CTNNA2: variants seen among roughly 807,000 people sequenced by gnomAD.
The protein encoded by CTNNA2 is catenin alpha 2, also known as catenin alpha-2.
In CTNNA2, 42 loss-of-function variants were observed where a neutral mutation model predicts 101.0. That is an observed-to-expected ratio of 0.42 (90% CI 0.32 to 0.54). The LOEUF is 0.54. CTNNA2 is among the 20% of genes least tolerant of loss of function. CTNNA2 has a pLI of 0.14. For missense variants in CTNNA2, 871 were observed against 1,223.1 expected (o/e 0.71, Z 4.29); for synonymous variants, 450 against 456.4 (o/e 0.99, Z 0.18).
At chr2:80,215,087 TG>T (rs1432648107) in intron 7 of CTNNA2, among the ~76,000 whole-genome samples, 1 of 152,208 alleles carries the variant, frequency 6.6e-6, no homozygotes, top group Non-Finnish European at 1.5e-5. Context: ...ATAGTTCTCG[TG>T]CCATGGTTTT....
intron 7 of CTNNA2, among the ~76,000 whole-genome samples, chr2:80,079,067 G>C (rs1296945519): frequency 2.0e-5 from 3 of 152,094 alleles, no homozygotes; most frequent in African/African-American, 7.2e-5. Context: ...TATATACTTA[G>C]TCTCTGCCCT....
intron 7 of CTNNA2, among the ~76,000 whole-genome samples, chr2:80,384,970 G>A (rs1022184367): frequency 6.9e-4 from 105 of 152,026 alleles, no homozygotes; most frequent in African/African-American, 2.5e-3. Flanking sequence ...CATGGCACCA[G>A]GTAACCCATG....
intron 7 of CTNNA2, among the ~76,000 whole-genome samples, chr2:80,191,930 A>C (rs996086278): frequency 3.3e-5 from 5 of 152,216 alleles, no homozygotes; most frequent in Non-Finnish European, 7.3e-5. Flanking sequence ...CTAAGACATA[A>C]GGAAATCCTG....
At chr2:79,538,707 T>C (rs899622762) in intron 1 of CTNNA2, among the ~76,000 whole-genome samples, 3 of 152,154 alleles carry the variant, frequency 2.0e-5, no homozygotes, top group African/African-American at 7.2e-5. Context: ...TTAAATTACA[T>C]GGGGTCAGAG....
chr2:80,376,301 T>C (rs1377582350), intron 7 of CTNNA2, among the ~76,000 whole-genome samples: 4 of 152,190 alleles, frequency 2.6e-5, no homozygotes, highest in African/African-American at 9.6e-5. Flanking sequence ...CTTGCCTTTC[T>C]ATTCTATCTG....
chr2:79,498,877 T>C (rs924309410), intron 4 of CTNNA2: 3 of 152,154 alleles, frequency 2.0e-5, no homozygotes, highest in East Asian at 1.9e-4. Context: ...TTTGAAATAA[T>C]TTGCTTTTCC....
chr2:79,915,082 C>T (rs1686098691), intron 7 of CTNNA2, among the ~76,000 whole-genome samples: 1 of 151,846 alleles, frequency 6.6e-6, no homozygotes, highest in African/African-American at 2.4e-5. Flanking sequence ...TTCCACAACA[C>T]TAGATGAGTA....
At chr2:80,638,762 A>C (rs1673135321) in intron 18 of CTNNA2, among the ~76,000 whole-genome samples, 2 of 152,368 alleles carry the variant, frequency 1.3e-5, no homozygotes, top group South Asian at 2.1e-4. Context: ...GAAGACAGTT[A>C]ATCAGTGGAC....
chr2:79,364,588 A>T (rs1677703218), intron 3 of CTNNA2, among the ~76,000 whole-genome samples: 2 of 152,328 alleles, frequency 1.3e-5, no homozygotes, highest in Middle Eastern at 3.4e-3. Flanking sequence ...AATTTGGGTC[A>T]TCTTTTGTAC....
intron 8 of CTNNA2, among the ~76,000 whole-genome samples, chr2:80,401,578 A>G (rs1188307566): frequency 6.6e-6 from 1 of 152,200 alleles, no homozygotes; most frequent in African/African-American, 2.4e-5. Context: ...CTTCCTACTT[A>G]TTTCTGATAT....
chr2:79,252,817 GTT>G (rs5832372), intron 2 of CTNNA2, among the ~76,000 whole-genome samples: 10 of 148,366 alleles, frequency 6.7e-5, no homozygotes, highest in Non-Finnish European at 1.5e-4. Flanking sequence ...ATTATCAACT[GTT>G]TTTTTTTTTA....
intron 3 of CTNNA2, among the ~76,000 whole-genome samples, chr2:79,812,286 T>C (rs999921448): frequency 1.3e-4 from 20 of 152,190 alleles, no homozygotes; most frequent in Non-Finnish European, 2.1e-4. Context: ...TAGAAGTGGT[T>C]AAGTGCAGTC....
chr2:79,256,800 A>G (rs1448413473), intron 2 of CTNNA2, among the ~76,000 whole-genome samples: 1 of 152,202 alleles, frequency 6.6e-6, no homozygotes, highest in African/African-American at 2.4e-5. Flanking sequence ...CAGTTTTCTC[A>G]TTTGGAAAAT....
At chr2:79,260,683 C>T (rs1159344331) in intron 2 of CTNNA2, among the ~76,000 whole-genome samples, 1 of 152,072 alleles carries the variant, frequency 6.6e-6, no homozygotes, top group Non-Finnish European at 1.5e-5. Context: ...ATTTCTGGTG[C>T]CCCGGGTGGT....
At chr2:79,330,428 G>A (rs1676845175) in intron 3 of CTNNA2, among the ~76,000 whole-genome samples, 1 of 152,108 alleles carries the variant, frequency 6.6e-6, no homozygotes, top group Admixed American at 6.5e-5. Context: ...AAACTCACGG[G>A]ACTCAACACC....
chr2:79,412,157 C>T (rs1678421023), intron 4 of CTNNA2, among the ~76,000 whole-genome samples: 1 of 152,082 alleles, frequency 6.6e-6, no homozygotes, highest in African/African-American at 2.4e-5. Flanking sequence ...AAGGCCATTA[C>T]AGAATGGTAA....
chr2:79,909,702 T>A lies in CTNNA2; in HGVS notation c.961T>A (p.Ser321Thr). The A allele has an allele frequency of 6.2e-7, 1 of 1,613,990 alleles. No homozygotes were observed. Among genetic ancestry groups the A allele is most frequent in the South Asian group, 1.1e-5 (1 of 91,062 alleles). The change falls in exon 7 of 19, where the codon TCC becomes ACC. Residue 321 changes from serine (S) to threonine (T), a missense_variant. By Grantham distance (58) the Ser-to-Thr change is moderately conservative. Around this residue, in one of 5 missense-constraint regions of CTNNA2, gnomAD observed 647 missense variants for 831.5 expected, o/e 0.78. Coordinates refer to ENST00000402739, the MANE Select transcript of CTNNA2 (RefSeq NM_001282597.3). ...CGGCGCAGCGCTGATGGCCGACTCC[T>A]CCTGCACGCGAGACGACCGGCGCGA... ...ISGAALMADSSCTRDDRRERI... is the reference protein window; with the variant it reads ...ISGAALMADSTCTRDDRRERI...
intron 7 of CTNNA2, chr2:80,027,972 C>CAAAAAAAA (rs1177032489): frequency 5.0e-5 from 1 of 19,812 alleles, no homozygotes; most frequent in Non-Finnish European, 1.0e-4. Context: ...GACCCTGTCT[C>CAAAAAAAA]AAAAAAAAAA....
chr2:79,532,907 G>C (rs1003978944), intron 1 of CTNNA2, among the ~76,000 whole-genome samples: 1 of 152,024 alleles, frequency 6.6e-6, no homozygotes, highest in African/African-American at 2.4e-5. Context: ...CTGTGTTCCA[G>C]ACTCAAGCTC....
Sources: allele counts gnomAD v4.1 joint callset (sites outside exome capture counted in the v4.1 genomes callset), GRCh38; gene constraint gnomAD v4.1.1; regional missense constraint gnomAD v4.1.1; transcripts MANE v1.5; gene names NCBI Gene and HGNC (gene_info 2026-07-23, HGNC 2026-07-21).